VPS35L: variants seen among roughly 807,000 people sequenced by gnomAD.
VPS35L encodes VPS35 endosomal protein-sorting factor-like.
A neutral mutation model predicts 133.0 loss-of-function variants in VPS35L; 83 were observed. The observed-to-expected ratio is 0.62, with a 90% CI of 0.52 to 0.75. The LOEUF (loss-of-function observed/expected upper bound fraction) is 0.75. Among genes scored for constraint, VPS35L ranks in the 30% least tolerant of loss-of-function variants. VPS35L has a pLI of 0.00. For synonymous variants in VPS35L, 423 were observed against 449.9 expected, an observed-to-expected ratio of 0.94 and a Z score of 0.76; for missense variants, 1,083 against 1,206.8, an observed-to-expected ratio of 0.90 and a Z score of 1.52.
At chr16:19,674,918 A>G (rs1040209888) in intron 27 of VPS35L, among the ~76,000 whole-genome samples, 6 of 150,734 alleles carry the variant, frequency 4.0e-5, no homozygotes, top group Non-Finnish European at 8.9e-5. Context: ...ATAATATTCC[A>G]TTGTGCATGT....
At chr16:19,565,059 G>T in intron 2 of VPS35L, 109 bp downstream of exon 2, 7 of 728,932 alleles carry the variant, frequency 9.6e-6, no homozygotes, top group Admixed American at 3.3e-5. Context: ...TTGCATATTT[G>T]ATTTTTTTTT....
chr16:19,650,507 GT>G (rs1156724681), intron 25 of VPS35L, 48 bp downstream of exon 25: 3 of 1,434,352 alleles, frequency 2.1e-6, no homozygotes, highest in Middle Eastern at 1.8e-4. Context: ...CCAGTGGGCT[GT>G]TTAGTTTGCA....
At chr16:19,627,287 A>C (rs1474937479) in intron 15 of VPS35L, among the ~76,000 whole-genome samples, 5 of 152,052 alleles carry the variant, frequency 3.3e-5, no homozygotes, top group Admixed American at 6.6e-5. Context: ...TCTCAAAAAA[A>C]AAAAAACAAA....
intron 26 of VPS35L, among the ~76,000 whole-genome samples, chr16:19,665,014 AAT>A (rs920973096): frequency 5.7e-4 from 87 of 152,262 alleles, no homozygotes; most frequent in African/African-American, 2.0e-3. Flanking sequence ...GAACCAGGAC[AAT>A]ATATATTTTT....
chr16:19,577,092 A>G (rs563411619), intron 5 of VPS35L, among the ~76,000 whole-genome samples: 157 of 152,340 alleles, frequency 1.0e-3, no homozygotes, highest in Middle Eastern at 3.4e-3. Flanking sequence ...GATGATACCA[A>G]GTGTCTTAGT....
intron 12 of VPS35L, among the ~76,000 whole-genome samples, chr16:19,612,067 T>A (rs1034536938): frequency 6.6e-6 from 1 of 150,394 alleles, no homozygotes; most frequent in South Asian, 2.1e-4. Flanking sequence ...GCCTCCCGAG[T>A]AGCTGGGACT....
At chr16:19,623,710 C>T (rs1160106418) in intron 14 of VPS35L, among the ~76,000 whole-genome samples, 1 of 149,850 alleles carries the variant, frequency 6.7e-6, no homozygotes, top group Non-Finnish European at 1.5e-5. Flanking sequence ...TACTTTGGGT[C>T]CAGACGTAGA....
Position 19,581,537 on chromosome 16 carries a change from G to C in VPS35L, c.523G>C (p.Glu175Gln). The C allele has an allele frequency of 6.2e-7, 1 of 1,603,300 alleles. No individual in the cohort carries two copies. Residue 175 changes from glutamate to glutamine, a missense_variant, in exon 7 of 31, where the codon GAG (glutamate) becomes CAG (glutamine). Physicochemically the swap from Glu to Gln is conservative, Grantham distance 29. Coordinates refer to ENST00000417362, the MANE Select transcript of VPS35L (RefSeq NM_020314.7). The stretch of plus-strand genomic sequence containing the variant: ...CTTCTCCCCACAGGGTTCCCAAAAG[G>C]AGCTGTTGAACTTGACTCAGCAGGA... ...LDDFEEGSQK[E>Q]LLNLTQQDYV...
At chr16:19,650,302 A>T in intron 24 of VPS35L, 80 bp from the exon 25 acceptor site, 1 of 1,139,844 alleles carries the variant, frequency 8.8e-7, no homozygotes, top group Non-Finnish European at 1.3e-6. Flanking sequence ...GTATGTAGTT[A>T]ATGTTGAGAT....
intron 26 of VPS35L, among the ~76,000 whole-genome samples, chr16:19,656,852 T>C (rs1974318789): frequency 6.6e-6 from 1 of 152,052 alleles, no homozygotes; most frequent in South Asian, 2.1e-4. Flanking sequence ...TGTAGGAAAC[T>C]TAATCTTTGT....
intron 27 of VPS35L, among the ~76,000 whole-genome samples, chr16:19,669,846 T>C (rs1974818600): frequency 6.6e-6 from 1 of 151,644 alleles, no homozygotes; most frequent in Non-Finnish European, 1.5e-5. Context: ...AATTTTTGTA[T>C]TTTTAGTAGA....
intron 9 of VPS35L, among the ~76,000 whole-genome samples, chr16:19,602,246 G>A (rs567572557): frequency 7.9e-5 from 12 of 152,102 alleles, no homozygotes; most frequent in Admixed American, 6.6e-4. Context: ...TCGTATAAAT[G>A]GTAAGAATGA....
chr16:19,565,026 CG>C, intron 2 of VPS35L, 76 bp downstream of exon 2: 1 of 1,221,172 alleles, frequency 8.2e-7, no homozygotes, highest in Non-Finnish European at 1.2e-6. Flanking sequence ...GAGTCTTTTC[CG>C]TTTTGCCAGT....
intron 11 of VPS35L, among the ~76,000 whole-genome samples, chr16:19,609,704 G>A (rs941573105): frequency 2.0e-5 from 3 of 152,148 alleles, no homozygotes; most frequent in Admixed American, 6.5e-5. Flanking sequence ...TAGCTCTACC[G>A]ATTGGATTTA....
At chr16:19,698,911 C>G (rs894705072) in intron 29 of VPS35L, among the ~76,000 whole-genome samples, 1 of 152,168 alleles carries the variant, frequency 6.6e-6, no homozygotes, top group African/African-American at 2.4e-5. Flanking sequence ...GTTCGGTCTG[C>G]CGTGACACTG....
At chr16:19,613,199 A>C (rs1031774718) in intron 12 of VPS35L, among the ~76,000 whole-genome samples, 3 of 152,194 alleles carry the variant, frequency 2.0e-5, no homozygotes, top group Non-Finnish European at 2.9e-5. Context: ...GCTACTCGGA[A>C]GGCTGAGGCA....
Position 19,591,844 on chromosome 16 carries a change from G to T in VPS35L, c.694G>T (p.Val232Phe), listed in dbSNP as rs1972053813. 1 of 1,611,730 alleles carries T rather than the reference G, an allele frequency of 6.2e-7. No homozygotes were observed. Among genetic ancestry groups the T allele is most frequent in the Non-Finnish European group, 8.5e-7 (1 of 1,178,192 alleles). The change falls in exon 8 of 31, where the codon GTC becomes TTC. Residue 232 changes from valine (V) to phenylalanine (F), a missense_variant. Coordinates refer to ENST00000417362, the MANE Select transcript of VPS35L (RefSeq NM_020314.7). ...SVIQFYPSKF[V>F]LITDILDTFG... ...TATTCAGTTCTACCCAAGCAAATTT[G>T]TCCTTATCACCGACATACTTGATAC...
At chr16:19,628,798 T>C in intron 17 of VPS35L, 45 bp downstream of exon 17, 1 of 889,978 alleles carries the variant, frequency 1.1e-6, no homozygotes, top group Non-Finnish European at 1.5e-6. Context: ...TATTTATTTA[T>C]TTATTTATTT....
chr16:19,589,389 A>G (rs1212501018), intron 7 of VPS35L, among the ~76,000 whole-genome samples: 2 of 152,114 alleles, frequency 1.3e-5, no homozygotes, highest in Non-Finnish European at 2.9e-5. Context: ...GGCTACAGGC[A>G]CACACCACCA....
Sources: gnomAD v4.1 joint callset for allele counts (sites outside exome capture counted in the v4.1 genomes callset) on GRCh38, gnomAD v4.1.1 for gene constraint, MANE v1.5 for transcripts, NCBI Gene and HGNC (gene_info 2026-07-23, HGNC 2026-07-21) for gene names.